Variants in ATG10 observed in about 807,000 individuals in gnomAD.
The protein encoded by ATG10 is ubiquitin-like-conjugating enzyme ATG10.
A neutral mutation model predicts 32.1 loss-of-function variants in ATG10; 30 were observed. The observed-to-expected ratio is 0.94, with a 90% CI of 0.70 to 1.27. The LOEUF (loss-of-function observed/expected upper bound fraction) is 1.27. Ranked by LOEUF, ATG10 falls within the 50% of genes most tolerant of loss-of-function variation. The pLI, the probability that ATG10 is intolerant of heterozygous loss-of-function variation, is 0.00. For missense variants in ATG10, 233 were observed against 262.3 expected, an observed-to-expected ratio of 0.89 and a Z score of 0.77; for synonymous variants, 87 against 91.5, an observed-to-expected ratio of 0.95 and a Z score of 0.28.
chr5:82,023,383 A>G (rs1762502735), intron 2 of ATG10, among the ~76,000 whole-genome samples: 2 of 152,196 alleles, frequency 1.3e-5, no homozygotes, highest in African/African-American at 4.8e-5. Context: ...TTTGATACAG[A>G]TTTATATAGT....
At chr5:82,038,394 A>G (rs1472409091) in intron 2 of ATG10, among the ~76,000 whole-genome samples, 9 of 152,212 alleles carry the variant, frequency 5.9e-5, no homozygotes, top group Admixed American at 3.9e-4. Flanking sequence ...GATTATGCAC[A>G]TGTACTGTAT....
chr5:82,201,705 T>C (rs956974230), intron 5 of ATG10, among the ~76,000 whole-genome samples: 1 of 152,210 alleles, frequency 6.6e-6, no homozygotes, highest in African/African-American at 2.4e-5. Context: ...ACTGGGATTG[T>C]GTTGGATCTG....
At chr5:82,144,283 T>G (rs1431200069) in intron 3 of ATG10, among the ~76,000 whole-genome samples, 1 of 140,934 alleles carries the variant, frequency 7.1e-6, no homozygotes, top group Admixed American at 6.8e-5. Context: ...AGTTTTGGTT[T>G]TCTTATTTTT....
At chr5:82,123,583 C>CT (rs1364525139) in intron 3 of ATG10, among the ~76,000 whole-genome samples, 1 of 151,248 alleles carries the variant, frequency 6.6e-6, no homozygotes, top group Non-Finnish European at 1.5e-5. Flanking sequence ...TTGACTAAGG[C>CT]TTTTTGAAAG....
chr5:82,013,017 A>G (rs1050591416), intron 2 of ATG10, among the ~76,000 whole-genome samples: 2 of 146,942 alleles, frequency 1.4e-5, no homozygotes, highest in Admixed American at 1.4e-4. Context: ...GCTGGAGTGC[A>G]GTGGCACAAT....
At chr5:82,139,931 A>G (rs1230940755) in intron 3 of ATG10, among the ~76,000 whole-genome samples, 1 of 97,392 alleles carries the variant, frequency 1.0e-5, no homozygotes, top group Non-Finnish European at 2.2e-5. Context: ...CCCATCCGGG[A>G]GGGAGGTGGG....
intron 5 of ATG10, among the ~76,000 whole-genome samples, chr5:82,250,360 T>C (rs955319652): frequency 2.0e-5 from 3 of 152,158 alleles, no homozygotes; most frequent in African/African-American, 7.2e-5. Context: ...TACCATAGAC[T>C]GGGTGGCTCA....
intron 5 of ATG10, among the ~76,000 whole-genome samples, chr5:82,179,895 A>G (rs1398758509): frequency 6.6e-6 from 1 of 152,094 alleles, no homozygotes; most frequent in African/African-American, 2.4e-5. Flanking sequence ...ATTGAGGACA[A>G]AACTAGCTTT....
chr5:82,004,752 A>T (rs541475147), intron 2 of ATG10, among the ~76,000 whole-genome samples: 1 of 152,306 alleles, frequency 6.6e-6, no homozygotes, highest in South Asian at 2.1e-4. Flanking sequence ...CTCATCATGC[A>T]CTTGGATGTC....
intron 3 of ATG10, among the ~76,000 whole-genome samples, chr5:82,149,585 TG>T (rs1401707098): frequency 6.6e-6 from 1 of 152,156 alleles, no homozygotes; most frequent in African/African-American, 2.4e-5. Flanking sequence ...TACTACTGTT[TG>T]TTTTTTTTCA....
At chr5:82,244,364 T>C (rs1434364580) in intron 5 of ATG10, among the ~76,000 whole-genome samples, 1 of 152,178 alleles carries the variant, frequency 6.6e-6, no homozygotes, top group Non-Finnish European at 1.5e-5. Context: ...GGAGGTGCTC[T>C]GCCCCTCACT....
At chr5:82,026,095 C>G (rs1227130615) in intron 2 of ATG10, among the ~76,000 whole-genome samples, 1 of 152,162 alleles carries the variant, frequency 6.6e-6, no homozygotes. Context: ...CCAGAACTTT[C>G]CATTTTCCCC....
At chr5:82,057,477 G>A (rs1052425091) in intron 2 of ATG10, among the ~76,000 whole-genome samples, 5 of 152,114 alleles carry the variant, frequency 3.3e-5, no homozygotes, top group Non-Finnish European at 7.4e-5. Flanking sequence ...CACCGCTCCA[G>A]TCTTCATCTT....
intron 3 of ATG10, chr5:82,073,306 A>G (rs774563661): frequency 2.6e-5 from 4 of 152,328 alleles, no homozygotes; most frequent in South Asian, 2.1e-4. Flanking sequence ...AGGCCCAGCA[A>G]TTGATTTCAG....
Position 82,100,379 on chromosome 5 carries a change from G to A in ATG10, c.216+41777G>A, listed in dbSNP as rs79305689. On this transcript the variant is annotated intron_variant, in intron 3 of 7. Coordinates refer to ENST00000282185, the MANE Select transcript of ATG10 (RefSeq NM_031482.5). ...GTTTTGACTGCCTCCCCATCCCCACGTTTTCCCTGCATACGTACCCATCTT... is the reference window on the plus strand; with the variant it reads ...GTTTTGACTGCCTCCCCATCCCCACATTTTCCCTGCATACGTACCCATCTT... Among the ~76,000 whole-genome samples, 443 of 151,980 alleles carry A rather than the reference G, an allele frequency of 2.9e-3. 11 individuals carry two copies. In the East Asian group the frequency reaches 0.076, roughly 26 times the overall value.
intron 3 of ATG10, among the ~76,000 whole-genome samples, chr5:82,132,925 C>T (rs920898933): frequency 3.3e-5 from 5 of 152,086 alleles, no homozygotes; most frequent in African/African-American, 4.8e-5. Context: ...TTCTAATGGT[C>T]GCCATTCTAA....
chr5:81,993,370 T>TCCTTCCTTCCTTCC (rs771784374), intron 2 of ATG10, among the ~76,000 whole-genome samples: 1 of 32,396 alleles, frequency 3.1e-5, no homozygotes, highest in Non-Finnish European at 5.8e-5. Context: ...CTTCTTTTCT[T>TCCTTCCTTCCTTCC]TTCTTTTCTT....
intron 3 of ATG10, among the ~76,000 whole-genome samples, chr5:82,075,551 CATGTT>C (rs1281159168): frequency 3.3e-5 from 5 of 152,182 alleles, no homozygotes; most frequent in Admixed American, 6.5e-5. Context: ...ATAAATATCT[CATGTT>C]ATTGCATAGT....
chr5:82,068,272 A>G lies in ATG10; in HGVS notation c.216+9670A>G, dbSNP rs370900226. On this transcript the variant is annotated intron_variant, in intron 3 of 7. Transcript: ENST00000282185. The stretch of plus-strand genomic sequence containing the variant: ...AGGGACACGGACGAAGCTGGAAACC[A>G]TCATTCTCAGCAAACTAACACAGAA... 2.4e-3 allele frequency among the ~76,000 whole-genome samples: 363 copies of G among 152,268 alleles called. 14 individuals carry two copies. In the South Asian group the frequency reaches 0.064, roughly 27 times the overall value.
Sources: gnomAD v4.1 joint callset for allele counts (sites outside exome capture counted in the v4.1 genomes callset) on GRCh38, gnomAD v4.1.1 for gene constraint, MANE v1.5 for transcripts, NCBI Gene and HGNC (gene_info 2026-07-23, HGNC 2026-07-21) for gene names.